The following ADAMTS7 variants were observed in gnomAD, a reference collection of about 807,000 sequenced individuals.
ADAMTS7 encodes the protein A disintegrin and metalloproteinase with thrombospondin motifs 7.
ADAMTS7 carries 89 observed loss-of-function variants against 172.6 expected under a neutral mutation model. The ratio of observed to expected loss-of-function variants is 0.52; its 90% CI spans 0.43 to 0.61. The LOEUF is 0.61. ADAMTS7 is among the 20% of genes least tolerant of loss of function. ADAMTS7 has a pLI of 0.00. For synonymous variants in ADAMTS7, 885 were observed against 978.4 expected (o/e 0.90, Z 1.78); for missense variants, 1,973 against 2,355.6 (o/e 0.84, Z 3.36).
At chr15:78,782,729 C>T (rs534590467) in intron 8 of ADAMTS7, among the ~76,000 whole-genome samples, 353 of 150,528 alleles carry the variant, frequency 2.3e-3, no homozygotes, top group African/African-American at 6.7e-3. Flanking sequence ...AGGAGAAGCC[C>T]GGAAAGGCTC....
At position 78,811,214 on chromosome 15, in the gene ADAMTS7, C is replaced by T. The variant is rs979460265; in HGVS notation, c.7G>A (p.Gly3Ser). ...GCGGGGCTGCGGGGACTGGGGCCGC[C>T]GGGCATGGCAGGAACCGGGCGGCCG... MP[G>S]GPSPRSPAPL... Residue 3 changes from glycine (G) to serine (S), a missense_variant, in exon 1 of 24, where the codon GGC (glycine) becomes AGC (serine). Gly to Ser is a moderately conservative substitution (Grantham distance 56). Coordinates refer to ENST00000388820, the MANE Select transcript of ADAMTS7 (RefSeq NM_014272.5). 24 of 1,228,142 alleles carry T rather than the reference C, an allele frequency of 2.0e-5. 1 individual carries two copies. In the Admixed American group the frequency reaches 8.5e-4, roughly 43 times the overall value. The allele number at this position is 1,228,142 out of a possible 1,614,324, so 76.1% of individuals were successfully genotyped here. A position where few individuals can be genotyped will look rare whatever the true frequency, so the allele number is the denominator to read the frequency against.
In ADAMTS7 at chr15:78,797,817, T is replaced by C; in HGVS notation, c.622+131A>G. The C allele has an allele frequency of 3.8e-6, 4 of 1,050,700 alleles. No individual in the cohort carries two copies. The Admixed American group carries it at 8.1e-5, about 21-fold the overall frequency. 65.1% of individuals were successfully genotyped at this position (1,050,700 alleles called of 1,614,324 possible). On this transcript the variant is annotated intron_variant, in intron 3 of 23. Coordinates refer to ENST00000388820, the MANE Select transcript of ADAMTS7 (RefSeq NM_014272.5). ...TAAGGGCACAGGCTATGGTAAAGTA[T>C]CCATCTGTCTGTCTGTGTCATCTGG...
rs2055179699 is a variant in ADAMTS7 at position 78,767,671 on chromosome 15, G to A, written c.2646-79C>T. 6 of 1,347,232 alleles carry A rather than the reference G, an allele frequency of 4.5e-6. No homozygotes were observed. In the East Asian group the frequency reaches 1.5e-4, roughly 34 times the overall value. 83.5% of individuals were successfully genotyped at this position (1,347,232 alleles called of 1,614,324 possible). A position where few individuals can be genotyped will look rare whatever the true frequency, so the allele number is the denominator to read the frequency against. ...GCTCACCAGCAGGGGGGGCCAGGCTGGGCTTCCAGGCCCTCGGCATTTGGG... is the reference window on the plus strand; with the variant it reads ...GCTCACCAGCAGGGGGGGCCAGGCTAGGCTTCCAGGCCCTCGGCATTTGGG... On this transcript the variant is annotated intron_variant, in intron 17 of 23. Transcript: ENST00000388820.
intron 8 of ADAMTS7, among the ~76,000 whole-genome samples, chr15:78,782,444 G>A (rs889953690): frequency 9.2e-5 from 13 of 141,754 alleles, no homozygotes; most frequent in Non-Finnish European, 1.6e-4. Context: ...ATCCCTAATG[G>A]ACCTGGTCAC....
At chr15:78,786,543 T>C (rs1402354660) in intron 8 of ADAMTS7, among the ~76,000 whole-genome samples, 2 of 152,206 alleles carry the variant, frequency 1.3e-5, no homozygotes, top group Admixed American at 1.3e-4. Flanking sequence ...TCATCCTTTC[T>C]TACCCATGTT....
At chr15:78,800,801 T>C (rs963943919) in intron 1 of ADAMTS7, among the ~76,000 whole-genome samples, 2 of 152,218 alleles carry the variant, frequency 1.3e-5, no homozygotes, top group Non-Finnish European at 2.9e-5. Context: ...TTTGAGACAG[T>C]CTCGCTCTGT....
rs754200674 is a variant in ADAMTS7 at position 78,774,775 on chromosome 15, T to C, written c.1725A>G (p.Arg575=). The C allele has an allele frequency of 6.2e-7, 1 of 1,605,652 alleles. No homozygotes were observed. The highest frequency in any genetic ancestry group is 1.1e-5 in the South Asian group (1 of 90,574). The stretch of plus-strand genomic sequence containing the variant: ...AGCGCTTGCGCTCACCCACACAGTA[T>C]CTGCCTTTGTATTTGGGCCTGTGGG... ...CTQPTPKYKG[R]YCVGERKRFR... The change falls in exon 12 of 24, where the codon AGA becomes AGG. Residue 575 remains arginine (R), a synonymous_variant. Transcript: ENST00000388820.
rs565586720 is a variant in ADAMTS7, at chr15:78,767,507, C to T, written c.2731G>A (p.Val911Met). 47 of 1,608,784 alleles carry T rather than the reference C, an allele frequency of 2.9e-5. No individual in the cohort carries two copies. The highest frequency in any genetic ancestry group is 2.0e-4 in the East Asian group (9 of 44,812). ...SRRAVLCIRS[V>M]GLDEQSALEP... Reference sequence around the variant, plus strand: ...AGGGCGCTCTGCTCATCCAGCCCCACGCTGCGGATGCAGAGCACGGCCCGG... The same window carrying T: ...AGGGCGCTCTGCTCATCCAGCCCCATGCTGCGGATGCAGAGCACGGCCCGG... The change falls in exon 18 of 24, where the codon GTG becomes ATG. Residue 911 changes from valine to methionine, a missense_variant. By Grantham distance (21) the Val-to-Met change is conservative. Transcript: ENST00000388820.
In ADAMTS7 at chr15:78,766,672, G is replaced by C. The variant is rs1286183210; in HGVS notation, c.3239C>G (p.Pro1080Arg). The change falls in exon 19 of 24, where the codon CCC becomes CGC. Residue 1080 changes from proline (P) to arginine (R), a missense_variant. Around this residue, in one of 8 missense-constraint regions of ADAMTS7, gnomAD observed 771 missense variants for 952.6 expected, o/e 0.81. Transcript: ENST00000388820. The stretch of plus-strand genomic sequence containing the variant: ...CAGGTCTAGATCGGGCTCCTCAGAG[G>C]GCCCGTAGGACAGATCCTCGTGGAA... ...INFHEDLSYG[P>R]SEEPDLDLAG... The C allele has an allele frequency of 2.5e-6, 4 of 1,610,912 alleles. No homozygotes were observed. Among genetic ancestry groups the C allele is most frequent in the Non-Finnish European group, 2.5e-6 (3 of 1,179,778 alleles).
chr15:78,763,620 A>G lies in ADAMTS7; in HGVS notation c.4740+79T>C, dbSNP rs2055085719. The G allele has an allele frequency of 1.3e-5, 19 of 1,470,058 alleles. No individual in the cohort carries two copies. In the South Asian group the frequency reaches 2.5e-4, roughly 20 times the overall value. 91.1% of individuals were successfully genotyped at this position (1,470,058 alleles called of 1,614,324 possible). A position where few individuals can be genotyped will look rare whatever the true frequency, so the allele number is the denominator to read the frequency against. ...GAGCCTGGCTCACAGCACACACTCCACAGCTCCTTCACCCAACCCAAGACT... is the reference window on the plus strand; with the variant it reads ...GAGCCTGGCTCACAGCACACACTCCGCAGCTCCTTCACCCAACCCAAGACT... On this transcript the variant is annotated intron_variant, in intron 22 of 23. Transcript: ENST00000388820.
chr15:78,800,625 CGGCCAAGAGGG>C, intron 1 of ADAMTS7, 78 bp from the exon 2 acceptor site: 1 of 1,380,228 alleles, frequency 7.2e-7, no homozygotes, highest in Admixed American at 2.0e-5. Context: ...CAGAAGGGAG[CGGCCAAGAGGG>C]GGCTGCTGGA....
At chr15:78,773,706 A>G (rs2055291422) in intron 13 of ADAMTS7, among the ~76,000 whole-genome samples, 1 of 151,838 alleles carries the variant, frequency 6.6e-6, no homozygotes, top group South Asian at 2.1e-4. Context: ...TAAGAATAGA[A>G]ATTGTTACCA....
chr15:78,803,461 T>TC (rs2055751317), intron 1 of ADAMTS7, among the ~76,000 whole-genome samples: 1 of 151,790 alleles, frequency 6.6e-6, no homozygotes, highest in Admixed American at 6.6e-5. Context: ...TGGTCTTTTT[T>TC]TTTTTTTTTG....
intron 4 of ADAMTS7, 113 bp downstream of exon 4, chr15:78,796,477 C>T (rs887531203): frequency 1.6e-6 from 2 of 1,247,900 alleles, no homozygotes; most frequent in African/African-American, 3.0e-5. Context: ...CTACTTGGGG[C>T]CTAGACCTGG....
At chr15:78,796,313 G>A (rs2055642085) in intron 4 of ADAMTS7, among the ~76,000 whole-genome samples, 1 of 152,172 alleles carries the variant, frequency 6.6e-6, no homozygotes, top group African/African-American at 2.4e-5. Flanking sequence ...GCACAGGGTT[G>A]TGGCTGCCTC....
chr15:78,764,108 CGA>C lies in ADAMTS7; in HGVS notation c.4420-11_4420-10del. 6.6e-7 allele frequency: 1 copy of C among 1,521,050 alleles called. No homozygotes were observed. The highest frequency in any genetic ancestry group is 8.8e-7 in the Non-Finnish European group (1 of 1,130,412). 94.2% of individuals were successfully genotyped at this position (1,521,050 alleles called of 1,614,324 possible). The stretch of plus-strand genomic sequence containing the variant: ...CCGCAGCTGCGGGAGCACTGGGGAC[CGA>C]GAGACGTGTATGGACACATCCCCAT... On this transcript the variant is annotated splice_polypyrimidine_tract_variant and intron_variant, in intron 20 of 23. Transcript: ENST00000388820.
At position 78,776,788 on chromosome 15, in the gene ADAMTS7, C is replaced by A. The variant is rs1182985805; in HGVS notation, c.1521G>T (p.Leu507=). The change falls in exon 10 of 24, where the codon CTG becomes CTT. Residue 507 remains leucine (L), a synonymous_variant. Transcript: ENST00000388820. The part of the protein sequence containing the change: ...CSVGTTCHSK[L]DAAVDGTRCG... Reference sequence around the variant, plus strand: ...ACCGGGTGCCGTCCACAGCTGCATCCAGCTTGGAGTGACAGGTGGTCCCCA... The same window carrying A: ...ACCGGGTGCCGTCCACAGCTGCATCAAGCTTGGAGTGACAGGTGGTCCCCA... 1.3e-6 allele frequency: 2 copies of A among 1,551,930 alleles called. No individual in the cohort carries two copies. Among genetic ancestry groups the A allele is most frequent in the Non-Finnish European group, 1.7e-6 (2 of 1,146,830 alleles).
intron 1 of ADAMTS7, among the ~76,000 whole-genome samples, chr15:78,807,761 A>G (rs1003864878): frequency 1.3e-5 from 2 of 152,248 alleles, no homozygotes; most frequent in Non-Finnish European, 2.9e-5. Flanking sequence ...GAGAACTTCT[A>G]AAGTATATTT....
In ADAMTS7 at chr15:78,771,386, T is replaced by C; in HGVS notation, c.2377-83A>G. 1 of 1,599,316 alleles carries C rather than the reference T, an allele frequency of 6.3e-7. No homozygotes were observed. Reference sequence around the variant, plus strand: ...TAAAGGAGCTGACCCCAGCCACCTCTGTGAACTGCAGCTACAAGATTGGGC... The same window carrying C: ...TAAAGGAGCTGACCCCAGCCACCTCCGTGAACTGCAGCTACAAGATTGGGC... On this transcript the variant is annotated intron_variant, in intron 15 of 23. Coordinates refer to ENST00000388820, the MANE Select transcript of ADAMTS7 (RefSeq NM_014272.5). This position sits in a 1 kb window ranked among gnomAD's most constrained non-coding sequence, Gnocchi z 4.9.
Sources: gnomAD v4.1 joint callset for allele counts (sites outside exome capture counted in the v4.1 genomes callset) on GRCh38, gnomAD v4.1.1 for gene constraint, gnomAD v4.1.1 regional missense constraint, Gnocchi (gnomAD v3.1) non-coding constraint, MANE v1.5 for transcripts, NCBI Gene and HGNC (gene_info 2026-07-23, HGNC 2026-07-21) for gene names.